The following HOMER1 variants were observed in gnomAD, a reference collection of about 807,000 sequenced individuals.
HOMER1 encodes homer scaffold protein 1, also known as homer protein homolog 1.
Under a neutral mutation model 48.9 loss-of-function variants are expected in HOMER1, and 3 were observed. That is an observed-to-expected ratio of 0.06 (90% CI 0.03 to 0.16). The LOEUF (loss-of-function observed/expected upper bound fraction) is 0.16, where lower values mean the gene tolerates loss of function less well. Ranked by LOEUF, HOMER1 falls within the 10% of genes least tolerant of loss-of-function variation. The pLI, the probability that HOMER1 is intolerant of heterozygous loss-of-function variation, is 1.00. For missense variants in HOMER1, 247 were observed against 411.4 expected, an observed-to-expected ratio of 0.60 and a Z score of 3.46; for synonymous variants, 134 against 146.4, an observed-to-expected ratio of 0.92 and a Z score of 0.61.
chr5:79,409,555 A>C (rs929263531), intron 5 of HOMER1, among the ~76,000 whole-genome samples: 10 of 152,160 alleles, frequency 6.6e-5, no homozygotes, highest in African/African-American at 2.2e-4. Flanking sequence ...AAAATGAAAA[A>C]CTTCCATGTG....
intron 7 of HOMER1, among the ~76,000 whole-genome samples, 182 bp downstream of exon 7, chr5:79,397,345 A>G (rs1002346068): frequency 2.0e-5 from 3 of 152,212 alleles, no homozygotes; most frequent in East Asian, 1.9e-4. Flanking sequence ...ACAGTTCATA[A>G]TAACAGAAAT....
intron 8 of HOMER1, among the ~76,000 whole-genome samples, chr5:79,382,419 C>T (rs1161175084): frequency 1.3e-5 from 2 of 152,130 alleles, no homozygotes; most frequent in African/African-American, 2.4e-5. Context: ...CATCTTGTCA[C>T]CTAAAAAGGA....
At chr5:79,491,008 T>C (rs1752257331) in intron 1 of HOMER1, among the ~76,000 whole-genome samples, 1 of 129,268 alleles carries the variant, frequency 7.7e-6, no homozygotes, top group African/African-American at 3.0e-5. Context: ...AAAAATTAAG[T>C]GGATTTTGAT....
At chr5:79,494,968 C>T (rs1434609071) in intron 1 of HOMER1, among the ~76,000 whole-genome samples, 2 of 152,170 alleles carry the variant, frequency 1.3e-5, no homozygotes, top group Admixed American at 6.5e-5. Context: ...CTGTTGCTCA[C>T]CATTACTTAA....
chr5:79,411,261 G>A (rs570803790), intron 5 of HOMER1, among the ~76,000 whole-genome samples: 9 of 152,312 alleles, frequency 5.9e-5, no homozygotes, highest in Non-Finnish European at 1.0e-4. Context: ...GAGGAGGGCA[G>A]ATCGCTTGAG....
chr5:79,499,244 T>C (rs867788996), intron 1 of HOMER1, among the ~76,000 whole-genome samples: 2 of 152,306 alleles, frequency 1.3e-5, no homozygotes, highest in Non-Finnish European at 1.5e-5. Flanking sequence ...ATTATGTAAA[T>C]AGATGCATAA....
At chr5:79,439,465 G>A (rs1408120465) in intron 4 of HOMER1, among the ~76,000 whole-genome samples, 1 of 152,038 alleles carries the variant, frequency 6.6e-6, no homozygotes, top group African/African-American at 2.4e-5. Flanking sequence ...TTAACTAATT[G>A]GTCAGAATAA....
rs542444645 is a variant in HOMER1, at chr5:79,469,806, T to C, written c.6-12788A>G. Among the ~76,000 whole-genome samples, 7 of 152,304 alleles carry C rather than the reference T, an allele frequency of 4.6e-5. No homozygotes were observed. In the South Asian group the frequency reaches 1.2e-3, roughly 27 times the overall value. On this transcript the variant is annotated intron_variant, in intron 1 of 8. Coordinates refer to ENST00000334082, the MANE Select transcript of HOMER1 (RefSeq NM_004272.5). ...CCTCGCCCCACATTACTTTCAAATT[T>C]TGTCAGCGTTTCACGTAACAAAAAC...
intron 4 of HOMER1, among the ~76,000 whole-genome samples, chr5:79,444,227 C>T (rs146602498): frequency 2.6e-5 from 4 of 152,200 alleles, no homozygotes; most frequent in Middle Eastern, 3.4e-3. Flanking sequence ...CTAAAACAGA[C>T]ACATTAGATA....
Position 79,398,202 on chromosome 5 carries a change from A to T in HOMER1, c.685-565T>A, listed in dbSNP as rs373662091. On this transcript the variant is annotated intron_variant, in intron 6 of 8. Coordinates refer to ENST00000334082, the MANE Select transcript of HOMER1 (RefSeq NM_004272.5). Reference sequence around the variant, plus strand: ...TACTGGGGGCCCAAAGAGTAATATAACTTTTAATGAGCACTTGGTATTTTT... The same window carrying T: ...TACTGGGGGCCCAAAGAGTAATATATCTTTTAATGAGCACTTGGTATTTTT... 3.9e-5 allele frequency among the ~76,000 whole-genome samples: 6 copies of T among 152,040 alleles called. 1 individual carries two copies. In the South Asian group the frequency reaches 1.2e-3, roughly 32 times the overall value.
intron 5 of HOMER1, among the ~76,000 whole-genome samples, chr5:79,412,312 C>T (rs1483963268): frequency 6.6e-6 from 1 of 152,070 alleles, no homozygotes; most frequent in Non-Finnish European, 1.5e-5. Flanking sequence ...CAGAAGCAAC[C>T]AATATTGACT....
chr5:79,398,730 T>C (rs942221415), intron 6 of HOMER1, among the ~76,000 whole-genome samples: 1 of 152,184 alleles, frequency 6.6e-6, no homozygotes, highest in African/African-American at 2.4e-5. Context: ...CCTCTGTATA[T>C]TGGCCCCAAC....
intron 2 of HOMER1, among the ~76,000 whole-genome samples, chr5:79,455,759 T>C (rs1751158319): frequency 6.6e-6 from 1 of 152,198 alleles, no homozygotes; most frequent in South Asian, 2.1e-4. Flanking sequence ...TTTAAGAAAC[T>C]GAAGACCTCA....
At chr5:79,462,513 G>A (rs933209655) in intron 1 of HOMER1, among the ~76,000 whole-genome samples, 5 of 152,160 alleles carry the variant, frequency 3.3e-5, no homozygotes, top group African/African-American at 1.2e-4. Flanking sequence ...TGAGAAAAAA[G>A]TAATAAAATC....
chr5:79,510,279 A>G (rs1752902279), intron 1 of HOMER1, among the ~76,000 whole-genome samples: 1 of 152,198 alleles, frequency 6.6e-6, no homozygotes, highest in Non-Finnish European at 1.5e-5. Flanking sequence ...GGGCAGATAC[A>G]TTCATTTATA....
At chr5:79,410,710 G>A (rs1749794526) in intron 5 of HOMER1, among the ~76,000 whole-genome samples, 1 of 147,924 alleles carries the variant, frequency 6.8e-6, no homozygotes, top group African/African-American at 2.5e-5. Context: ...AAAAAAAAAA[G>A]TTCCTTTCTT....
At chr5:79,511,811 C>T (rs1481912139) in intron 1 of HOMER1, among the ~76,000 whole-genome samples, 4 of 152,210 alleles carry the variant, frequency 2.6e-5, no homozygotes, top group African/African-American at 7.2e-5. Context: ...TAAACCATCA[C>T]GATGAATTGC....
intron 5 of HOMER1, among the ~76,000 whole-genome samples, chr5:79,403,591 A>G (rs1421421486): frequency 6.6e-6 from 1 of 152,202 alleles, no homozygotes; most frequent in Non-Finnish European, 1.5e-5. Context: ...AAATGAAGGA[A>G]ACAGGAAATA....
At chr5:79,408,119 A>C (rs1749714563) in intron 5 of HOMER1, among the ~76,000 whole-genome samples, 1 of 152,178 alleles carries the variant, frequency 6.6e-6, no homozygotes, top group African/African-American at 2.4e-5. Flanking sequence ...CATAAACCCT[A>C]CATATAGGGT....
Sources: gnomAD v4.1 joint callset for allele counts (sites outside exome capture counted in the v4.1 genomes callset) on GRCh38, gnomAD v4.1.1 for gene constraint, MANE v1.5 for transcripts, NCBI Gene and HGNC (gene_info 2026-07-23, HGNC 2026-07-21) for gene names.